Variants in TTC7B observed in about 807,000 individuals in gnomAD.
TTC7B encodes the protein tetratricopeptide repeat domain 7B.
Under a neutral mutation model 106.8 loss-of-function variants are expected in TTC7B, and 28 were observed. That is an observed-to-expected ratio of 0.26 (90% CI 0.19 to 0.36). TTC7B has a LOEUF of 0.36. TTC7B is among the 10% of genes least tolerant of loss of function. The probability of loss-of-function intolerance (pLI) is 1.00; values close to 1 mark genes in which losing one functional copy is unlikely to be tolerated. For synonymous variants in TTC7B, 405 were observed against 430.6 expected (o/e 0.94, Z 0.74); for missense variants, 862 against 1,076.4 (o/e 0.80, Z 2.79).
chr14:90,668,340 G>GAA (rs1382399927), intron 9 of TTC7B, among the ~76,000 whole-genome samples: 2 of 152,144 alleles, frequency 1.3e-5, no homozygotes, highest in East Asian at 3.9e-4. Context: ...TCTGAGGTAG[G>GAA]AGCTCAGAGT....
intron 5 of TTC7B, among the ~76,000 whole-genome samples, chr14:90,723,397 T>C (rs1044201885): frequency 6.6e-6 from 1 of 152,214 alleles, no homozygotes. Flanking sequence ...GGACTTTTCT[T>C]TGGACAACCA....
chr14:90,716,432 G>A (rs774572484), intron 5 of TTC7B, among the ~76,000 whole-genome samples: 13 of 152,180 alleles, frequency 8.5e-5, no homozygotes, highest in South Asian at 2.1e-4. Context: ...AGAAGATTTC[G>A]AAGTGTGGCT....
Position 90,548,367 on chromosome 14 carries a change from G to C in TTC7B, c.2311-6778C>G, listed in dbSNP as rs550963802. The stretch of plus-strand genomic sequence containing the variant: ...TACCCTTTGCAGGGGGTAGAGGTGG[G>C]CATGGGTGGCTTAAGGCAGTGTTGT... On this transcript the variant is annotated intron_variant, in intron 19 of 19. Transcript: ENST00000328459. Among the ~76,000 whole-genome samples, 6 of 152,346 alleles carry C rather than the reference G, an allele frequency of 3.9e-5. No homozygotes were observed. The South Asian group carries it at 1.2e-3, about 32-fold the overall frequency.
intron 5 of TTC7B, among the ~76,000 whole-genome samples, chr14:90,701,150 G>T (rs773977825): frequency 6.6e-6 from 1 of 152,080 alleles, no homozygotes; most frequent in African/African-American, 2.4e-5. Flanking sequence ...ATATAGTGAC[G>T]GAGGGTGTGA....
chr14:90,669,636 C>A (rs1266030147), intron 9 of TTC7B, among the ~76,000 whole-genome samples: 1 of 151,740 alleles, frequency 6.6e-6, no homozygotes, highest in Non-Finnish European at 1.5e-5. Flanking sequence ...AGTAGTTTCA[C>A]CAAAGAAGAT....
intron 5 of TTC7B, among the ~76,000 whole-genome samples, chr14:90,712,238 A>T (rs1215682204): frequency 6.6e-6 from 1 of 152,210 alleles, no homozygotes; most frequent in Non-Finnish European, 1.5e-5. Context: ...GAATACAATA[A>T]GGATGTCTGC....
chr14:90,798,626 C>T (rs2030027818), intron 1 of TTC7B, among the ~76,000 whole-genome samples: 1 of 139,504 alleles, frequency 7.2e-6, no homozygotes, highest in South Asian at 2.3e-4. Context: ...AGGAGAATTG[C>T]TTGAACCTGG....
At chr14:90,766,321 C>T (rs961513965) in intron 3 of TTC7B, among the ~76,000 whole-genome samples, 4 of 152,080 alleles carry the variant, frequency 2.6e-5, no homozygotes, top group Non-Finnish European at 1.5e-5. Context: ...TCAACTGAAA[C>T]TGTCCTTGAA....
At chr14:90,753,381 C>T (rs763052974) in intron 3 of TTC7B, among the ~76,000 whole-genome samples, 3 of 152,220 alleles carry the variant, frequency 2.0e-5, no homozygotes, top group African/African-American at 7.2e-5. Context: ...GATAAGACAA[C>T]GTCCAAGGGT....
At chr14:90,574,744 C>T (rs958580630) in intron 19 of TTC7B, among the ~76,000 whole-genome samples, 5 of 152,252 alleles carry the variant, frequency 3.3e-5, no homozygotes, top group Non-Finnish European at 7.3e-5. Flanking sequence ...AGCCACCTGA[C>T]CACCACCTGT....
At chr14:90,738,741 C>T (rs1216833137) in intron 4 of TTC7B, among the ~76,000 whole-genome samples, 1 of 152,060 alleles carries the variant, frequency 6.6e-6, no homozygotes, top group Non-Finnish European at 1.5e-5. Flanking sequence ...AAAAAGTAAC[C>T]CAAAGGAAGT....
chr14:90,813,810 G>A (rs1445519329), intron 1 of TTC7B, among the ~76,000 whole-genome samples: 1 of 151,752 alleles, frequency 6.6e-6, no homozygotes, highest in African/African-American at 2.4e-5. Flanking sequence ...CAGAACTTGT[G>A]CTCATGCACC....
At chr14:90,655,161 A>G (rs773483639) in intron 11 of TTC7B, 51 bp from the exon 12 acceptor site, 8 of 1,406,816 alleles carry the variant, frequency 5.7e-6, no homozygotes, top group African/African-American at 5.6e-5. Context: ...AATTTCTAAC[A>G]TGAGTTCCCA....
intron 14 of TTC7B, among the ~76,000 whole-genome samples, chr14:90,646,269 G>A (rs1485033016): frequency 6.6e-6 from 1 of 152,208 alleles, no homozygotes; most frequent in African/African-American, 2.4e-5. Context: ...TACCACCAGT[G>A]TCTTGCACCT....
intron 1 of TTC7B, among the ~76,000 whole-genome samples, chr14:90,801,896 A>G (rs1045388433): frequency 6.6e-6 from 1 of 152,066 alleles, no homozygotes; most frequent in Admixed American, 6.5e-5. Flanking sequence ...CCCCATCTCT[A>G]CTAAAAGTAC....
At position 90,647,126 on chromosome 14, in the gene TTC7B, C is replaced by T. The variant is rs142853324; in HGVS notation, c.1518-103G>A. On this transcript the variant is annotated intron_variant, in intron 13 of 19. Transcript: ENST00000328459. Reference sequence around the variant, plus strand: ...CATTTGCATTCTTATACTAAGGGCCCGTATTTATTTAACTATGTAATGCTT... The same window carrying T: ...CATTTGCATTCTTATACTAAGGGCCTGTATTTATTTAACTATGTAATGCTT... The T allele has an allele frequency of 5.4e-5, 52 of 969,842 alleles. No individual in the cohort carries two copies. The African/African-American group carries it at 7.9e-4, about 15-fold the overall frequency. 60.1% of individuals were successfully genotyped at this position (969,842 alleles called of 1,614,324 possible). A position where few individuals can be genotyped will look rare whatever the true frequency, so the allele number is the denominator to read the frequency against.
At chr14:90,758,074 G>A (rs1176944155) in intron 3 of TTC7B, among the ~76,000 whole-genome samples, 1 of 152,014 alleles carries the variant, frequency 6.6e-6, no homozygotes. Flanking sequence ...GAGTGTGAAC[G>A]CCTCCCAGAG....
At position 90,653,203 on chromosome 14, in the gene TTC7B, G is replaced by A. The variant is rs1885805401; in HGVS notation, c.1460-305C>T. Among the ~76,000 whole-genome samples, 3 of 152,228 alleles carry A rather than the reference G, an allele frequency of 2.0e-5. No individual in the cohort carries two copies. The South Asian group carries it at 6.2e-4, about 32-fold the overall frequency. On this transcript the variant is annotated intron_variant, in intron 12 of 19. Coordinates refer to ENST00000328459, the MANE Select transcript of TTC7B (RefSeq NM_001010854.2). Reference sequence around the variant, plus strand: ...TGCAAAAGACCAGTTGGGAACTCCAGAAGGAGCACGACTGCCCTCTCAAGT... The same window carrying A: ...TGCAAAAGACCAGTTGGGAACTCCAAAAGGAGCACGACTGCCCTCTCAAGT...
chr14:90,699,098 C>T (rs972375607), intron 5 of TTC7B: 1 of 449,650 alleles, frequency 2.2e-6, no homozygotes, highest in Non-Finnish European at 4.5e-6. Context: ...CCCCTTGGGC[C>T]CCATGGCAGC....
Sources: gnomAD v4.1 joint callset for allele counts (sites outside exome capture counted in the v4.1 genomes callset) on GRCh38, gnomAD v4.1.1 for gene constraint, MANE v1.5 for transcripts, NCBI Gene and HGNC (gene_info 2026-07-23, HGNC 2026-07-21) for gene names.